Variants in ACSM5 observed in about 807,000 individuals in gnomAD.
ACSM5 encodes the protein acyl-coenzyme A synthetase ACSM5, mitochondrial.
A neutral mutation model predicts 71.6 loss-of-function variants in ACSM5; 56 were observed. That is an observed-to-expected ratio of 0.78 (90% CI 0.63 to 0.98). The LOEUF (loss-of-function observed/expected upper bound fraction) is 0.98, where lower values mean the gene tolerates loss of function less well. Among genes scored for constraint, ACSM5 ranks in the 50% least tolerant of loss-of-function variants. The pLI, the probability that ACSM5 is intolerant of heterozygous loss-of-function variation, is 0.00. For missense variants in ACSM5, 723 were observed against 726.0 expected (o/e 1.00, Z 0.05); for synonymous variants, 285 against 281.5 (o/e 1.01, Z -0.12).
rs1003480838 is a variant in ACSM5, at chr16:20,441,333, A to G, written c.*906A>G. On this transcript the variant is annotated 3_prime_UTR_variant, in exon 14 of 14. Coordinates refer to ENST00000331849, the MANE Select transcript of ACSM5 (RefSeq NM_017888.3). ...TTAATGAAAAAGTTATGTTAAAGAA[A>G]GCACACTCTGCTTCATGTCTAGTTC... 8 of 152,210 alleles carry G rather than the reference A, an allele frequency of 5.3e-5. No individual in the cohort carries two copies. Among genetic ancestry groups the G allele is most frequent in the African/African-American group, 1.9e-4 (8 of 41,442 alleles). The allele number at this position is 152,210 out of a possible 1,614,324, so 9.4% of individuals were successfully genotyped here. A position where few individuals can be genotyped will look rare whatever the true frequency, so the allele number is the denominator to read the frequency against.
At chr16:20,425,290 C>A (rs1407454979) in intron 6 of ACSM5, among the ~76,000 whole-genome samples, 2 of 152,060 alleles carry the variant, frequency 1.3e-5, no homozygotes, top group Admixed American at 6.6e-5. Flanking sequence ...ACATAATGAT[C>A]TCCAGTTCCA....
intron 2 of ACSM5, among the ~76,000 whole-genome samples, chr16:20,414,319 A>ATAAT (rs1255564632): frequency 1.3e-5 from 2 of 152,196 alleles, no homozygotes; most frequent in Admixed American, 6.5e-5. Context: ...TGAGCCTAAT[A>ATAAT]TAATCATAAG....
At chr16:20,431,167 G>T in intron 9 of ACSM5, 53 bp from the exon 10 acceptor site, 1 of 1,590,076 alleles carries the variant, frequency 6.3e-7, no homozygotes, top group South Asian at 1.1e-5. Flanking sequence ...TGCTGGGAGA[G>T]GCCCAGGGTG....
chr16:20,412,233 G>T (rs1262664509), intron 2 of ACSM5: 2 of 155,388 alleles, frequency 1.3e-5, no homozygotes, highest in Non-Finnish European at 2.8e-5. Context: ...CACACCTGTA[G>T]TCCCAGCTAC....
rs1358513209 is a variant in ACSM5 at position 20,409,585 on chromosome 16, T to G, written c.-96T>G. The G allele has an allele frequency of 6.6e-6, 1 of 152,152 alleles. No homozygotes were observed. Among genetic ancestry groups the G allele is most frequent in the Non-Finnish European group, 1.5e-5 (1 of 68,084 alleles). The allele number at this position is 152,152 out of a possible 1,614,324, so 9.4% of individuals were successfully genotyped here. A position where few individuals can be genotyped will look rare whatever the true frequency, so the allele number is the denominator to read the frequency against. ...GAGGCTGTTTTCTGAGGGAGCTGAG[T>G]GTTTACAGCCACTCAGCCCTGCTCT... On this transcript the variant is annotated 5_prime_UTR_variant, in exon 1 of 14. Transcript: ENST00000331849.
chr16:20,436,590 G>C (rs114660328), intron 10 of ACSM5, among the ~76,000 whole-genome samples: 20 of 152,108 alleles, frequency 1.3e-4, no homozygotes, highest in African/African-American at 4.3e-4. Flanking sequence ...AGCTGGTCTC[G>C]AATTCCAGAC....
chr16:20,438,132 G>A (rs889865218), intron 12 of ACSM5, among the ~76,000 whole-genome samples: 8 of 151,896 alleles, frequency 5.3e-5, no homozygotes, highest in Non-Finnish European at 1.0e-4. Flanking sequence ...CCGGCTAGGA[G>A]AAATCTTTCT....
At chr16:20,435,939 C>CCTTCCTTCCTTCCTTCCTTCTTTCCTT in intron 10 of ACSM5, among the ~76,000 whole-genome samples, 1 of 88,472 alleles carries the variant, frequency 1.1e-5, no homozygotes, top group South Asian at 3.9e-4. Context: ...TCTTTTCTTT[C>CCTTCCTTCCTTCCTTCCTTCTTTCCTT]CTTCCTTCCT....
Position 20,441,193 on chromosome 16 carries a change from C to T in ACSM5, c.*766C>T, listed in dbSNP as rs1003774047. 9.2e-5 allele frequency: 14 copies of T among 152,284 alleles called. No individual in the cohort carries two copies. Among genetic ancestry groups the T allele is most frequent in the African/African-American group, 2.6e-4 (11 of 41,556 alleles). 9.4% of individuals were successfully genotyped at this position (152,284 alleles called of 1,614,324 possible). A position where few individuals can be genotyped will look rare whatever the true frequency, so the allele number is the denominator to read the frequency against. Reference sequence around the variant, plus strand: ...GGGAAAACTGTGGTTAATTGTAATCCTCCTGGAGATTGAGGAGGGAGGGAG... The same window carrying T: ...GGGAAAACTGTGGTTAATTGTAATCTTCCTGGAGATTGAGGAGGGAGGGAG... On this transcript the variant is annotated 3_prime_UTR_variant, in exon 14 of 14. Transcript: ENST00000331849.
rs542382661 is a variant in ACSM5 at position 20,423,829 on chromosome 16, G to T, written c.768-87G>T. 100 of 1,516,224 alleles carry T rather than the reference G, an allele frequency of 6.6e-5. 1 individual carries two copies. The East Asian group carries it at 2.2e-3, about 33-fold the overall frequency. 93.9% of individuals were successfully genotyped at this position (1,516,224 alleles called of 1,614,324 possible). A position where few individuals can be genotyped will look rare whatever the true frequency, so the allele number is the denominator to read the frequency against. ...TATAAGTGAGTACCCACTGAGCAGG[G>T]CTCCAAATGTGGTGATATAGATAAT... On this transcript the variant is annotated intron_variant, in intron 5 of 13. Coordinates refer to ENST00000331849, the MANE Select transcript of ACSM5 (RefSeq NM_017888.3).
Position 20,431,284 on chromosome 16 carries a change from G to T in ACSM5, c.1271G>T (p.Arg424Ile). 12 of 1,614,188 alleles carry T rather than the reference G, an allele frequency of 7.4e-6. No individual in the cohort carries two copies. Among genetic ancestry groups the T allele is most frequent in the Non-Finnish European group, 9.3e-6 (11 of 1,180,020 alleles). Reference sequence around the variant, plus strand: ...GAGGGGAATGTTGCCGTCCGTATCAGACCCACTCGGCCCTTCTGTTTCTTC... The same window carrying T: ...GAGGGGAATGTTGCCGTCCGTATCATACCCACTCGGCCCTTCTGTTTCTTC... Reference protein sequence around the residue: ...GEEGNVAVRIRPTRPFCFFNC... With the variant: ...GEEGNVAVRIIPTRPFCFFNC... The change falls in exon 10 of 14, where the codon AGA (arginine) becomes ATA (isoleucine). Residue 424 changes from arginine (R) to isoleucine (I), a missense_variant. Physicochemically the swap from Arg to Ile is moderately conservative, Grantham distance 97 (BLOSUM62 -3). Transcript: ENST00000331849.
chr16:20,416,168 C>G (rs1168282835), intron 2 of ACSM5, among the ~76,000 whole-genome samples: 1 of 151,650 alleles, frequency 6.6e-6, no homozygotes, highest in African/African-American at 2.4e-5. Flanking sequence ...CCAAATTGAG[C>G]TGCACATTTA....
chr16:20,421,462 G>T (rs1233574686), intron 5 of ACSM5, 61 bp downstream of exon 5: 9 of 1,415,458 alleles, frequency 6.4e-6, no homozygotes, highest in Non-Finnish European at 8.4e-6. Context: ...TCTGGAGGGG[G>T]TGGTGTGAGG....
chr16:20,435,991 TTTTC>T (rs1967185989), intron 10 of ACSM5, among the ~76,000 whole-genome samples: 1 of 149,444 alleles, frequency 6.7e-6, no homozygotes, highest in Admixed American at 6.6e-5. Context: ...TCTTTCTTTC[TTTTC>T]TTTCTCTTTC....
intron 10 of ACSM5, among the ~76,000 whole-genome samples, chr16:20,431,627 C>T (rs1405095068): frequency 6.6e-6 from 1 of 151,914 alleles, no homozygotes. Context: ...AGGTGAAAAT[C>T]GAGGTACAGT....
At chr16:20,433,586 A>G (rs533311034) in intron 10 of ACSM5, among the ~76,000 whole-genome samples, 2 of 152,274 alleles carry the variant, frequency 1.3e-5, no homozygotes, top group East Asian at 1.9e-4. Flanking sequence ...AAAGGAGAAA[A>G]AGAAGAGAGA....
At chr16:20,434,532 A>G (rs1967157614) in intron 10 of ACSM5, among the ~76,000 whole-genome samples, 1 of 152,108 alleles carries the variant, frequency 6.6e-6, no homozygotes, top group Admixed American at 6.5e-5. Flanking sequence ...CCTCTCTACT[A>G]AAAATACAAA....
intron 3 of ACSM5, 64 bp downstream of exon 3, chr16:20,418,333 T>A: frequency 2.0e-6 from 3 of 1,481,290 alleles, no homozygotes; most frequent in Admixed American, 4.3e-5. Flanking sequence ...CTTTGCAGTG[T>A]CCACAGGGTC....
At chr16:20,418,737 T>G (rs146232821) in intron 3 of ACSM5, among the ~76,000 whole-genome samples, 106 of 152,320 alleles carry the variant, frequency 7.0e-4, no homozygotes, top group Non-Finnish European at 1.4e-3. Flanking sequence ...TTGCTTTAGT[T>G]GCTAGAATTT....
Sources: gnomAD v4.1 joint callset for allele counts (sites outside exome capture counted in the v4.1 genomes callset) on GRCh38, gnomAD v4.1.1 for gene constraint, MANE v1.5 for transcripts, NCBI Gene and HGNC (gene_info 2026-07-23, HGNC 2026-07-21) for gene names.